NAALADL2: variants seen among roughly 807,000 people sequenced by gnomAD.
NAALADL2 encodes the protein N-acetylated alpha-linked acidic dipeptidase like 2.
Under a neutral mutation model 87.2 loss-of-function variants are expected in NAALADL2, and 76 were observed. That is an observed-to-expected ratio of 0.87 (90% CI 0.72 to 1.05). NAALADL2 has a LOEUF of 1.05. Among genes scored for constraint, NAALADL2 ranks in the 50% least tolerant of loss-of-function variants. NAALADL2 has a pLI of 0.00. For synonymous variants in NAALADL2, 354 were observed against 331.0 expected, an observed-to-expected ratio of 1.07 and a Z score of -0.75; for missense variants, 1,089 against 945.8, an observed-to-expected ratio of 1.15 and a Z score of -1.99.
intron 1 of NAALADL2, among the ~76,000 whole-genome samples, chr3:174,951,403 G>A (rs558086939): frequency 1.3e-5 from 2 of 151,970 alleles, no homozygotes; most frequent in Non-Finnish European, 2.9e-5. Context: ...TGACAGATAC[G>A]ACTCAACTAA....
intron 10 of NAALADL2, among the ~76,000 whole-genome samples, chr3:175,618,637 C>T (rs887770363): frequency 2.0e-5 from 3 of 152,066 alleles, no homozygotes; most frequent in Admixed American, 6.5e-5. Context: ...ATCCCTTAGT[C>T]GCCTTCCTCC....
chr3:174,857,972 C>T (rs1449921056), upstream of NAALADL2, among the ~76,000 whole-genome samples: 1 of 151,612 alleles, frequency 6.6e-6, no homozygotes, highest in Non-Finnish European at 1.5e-5. Flanking sequence ...TCAATTTTTA[C>T]ATTAGTAAGC....
At chr3:174,833,258 T>A (rs922893982) in intron 3 of NAALADL2, among the ~76,000 whole-genome samples, 6 of 152,202 alleles carry the variant, frequency 3.9e-5, no homozygotes, top group Non-Finnish European at 7.4e-5. Context: ...GTCTGTTAGG[T>A]CTCTGGAAAG....
intron 2 of NAALADL2, among the ~76,000 whole-genome samples, chr3:174,656,700 A>G (rs139233873): frequency 5.9e-5 from 9 of 152,258 alleles, no homozygotes; most frequent in Non-Finnish European, 1.3e-4. Flanking sequence ...ATTATAAAGC[A>G]TCTGCTTGCT....
At chr3:175,482,188 A>G (rs1726575979) in intron 9 of NAALADL2, among the ~76,000 whole-genome samples, 1 of 151,990 alleles carries the variant, frequency 6.6e-6, no homozygotes, top group Admixed American at 6.6e-5. Flanking sequence ...TGTTAAAGTA[A>G]TCATTAGATT....
chr3:174,496,602 AATT>A (rs1237123842), intron 1 of NAALADL2, among the ~76,000 whole-genome samples: 1 of 151,094 alleles, frequency 6.6e-6, no homozygotes, highest in Non-Finnish European at 1.5e-5. Context: ...AAGGGGTTGG[AATT>A]ATTACTCTTT....
intron 1 of NAALADL2, among the ~76,000 whole-genome samples, chr3:174,539,044 GT>G (rs1721983642): frequency 6.6e-6 from 1 of 152,020 alleles, no homozygotes; most frequent in Non-Finnish European, 1.5e-5. Context: ...ATACCTTTTT[GT>G]TTGCAGTCTT....
rs114767701 is a variant in NAALADL2, at chr3:175,653,897, A to C, written c.1896+26511A>C. ...GGTCAACAACTTTGGTGTTGAACTCATGGGGTTCTGGGTGACCAGACACAT... is the reference window on the plus strand; with the variant it reads ...GGTCAACAACTTTGGTGTTGAACTCCTGGGGTTCTGGGTGACCAGACACAT... On this transcript the variant is annotated intron_variant, in intron 11 of 13. Transcript: ENST00000454872. Among the ~76,000 whole-genome samples the C allele has an allele frequency of 1.5e-3, 236 of 152,332 alleles. 1 individual carries two copies. The highest frequency in any genetic ancestry group is 5.6e-3 in the African/African-American group (231 of 41,576).
At chr3:174,984,524 A>G (rs896429359) in intron 1 of NAALADL2, among the ~76,000 whole-genome samples, 6 of 152,320 alleles carry the variant, frequency 3.9e-5, no homozygotes, top group South Asian at 2.1e-4. Context: ...GCAAAACCCA[A>G]TGGATCAGAA....
intron 2 of NAALADL2, among the ~76,000 whole-genome samples, chr3:174,640,403 G>T (rs770410893): frequency 3.9e-5 from 6 of 152,172 alleles, no homozygotes; most frequent in Non-Finnish European, 8.8e-5. Flanking sequence ...AGCTGTCTAT[G>T]ATATCTTTAA....
chr3:175,182,280 A>G (rs1202079722), intron 2 of NAALADL2, among the ~76,000 whole-genome samples: 1 of 152,016 alleles, frequency 6.6e-6, no homozygotes, highest in East Asian at 1.9e-4. Context: ...TAACTTTCTT[A>G]TATATTTTGG....
At chr3:174,772,865 A>G (rs1299177470) in intron 3 of NAALADL2, among the ~76,000 whole-genome samples, 1 of 152,212 alleles carries the variant, frequency 6.6e-6, no homozygotes, top group African/African-American at 2.4e-5. Flanking sequence ...ATGTGGCAAA[A>G]ATCAAACATT....
intron 1 of NAALADL2, among the ~76,000 whole-genome samples, chr3:174,513,236 A>G (rs1236677522): frequency 6.6e-6 from 1 of 152,116 alleles, no homozygotes; most frequent in South Asian, 2.1e-4. Context: ...CTGGGATTAC[A>G]CTTCCCTGGG....
chr3:174,780,361 A>C (rs1209113501), intron 3 of NAALADL2, among the ~76,000 whole-genome samples: 2 of 152,178 alleles, frequency 1.3e-5, no homozygotes, highest in African/African-American at 2.4e-5. Flanking sequence ...GAAGTTGCTT[A>C]TCAGATTAAG....
Position 175,698,482 on chromosome 3 carries a change from T to TA in NAALADL2, c.1897-38824_1897-38823insA, listed in dbSNP as rs201878091. Reference sequence around the variant, plus strand: ...ATGTGTATATATGTGTGTATATATATTTATATATATATATATATATAAAAT... The same window carrying TA: ...ATGTGTATATATGTGTGTATATATATATTATATATATATATATATATAAAAT... On this transcript the variant is annotated intron_variant, in intron 11 of 13. Transcript: ENST00000454872. Among the ~76,000 whole-genome samples the TA allele has an allele frequency of 5.3e-3, 630 of 119,850 alleles. 118 individuals are homozygous for TA. Among genetic ancestry groups the TA allele is most frequent in the African/African-American group, 0.023 (545 of 24,210 alleles). The allele number at this position is 119,850 out of a possible 152,430, so 78.6% of individuals were successfully genotyped here. A position where few individuals can be genotyped will look rare whatever the true frequency, so the allele number is the denominator to read the frequency against.
chr3:175,651,319 T>G (rs948569997), intron 11 of NAALADL2, among the ~76,000 whole-genome samples: 2 of 152,162 alleles, frequency 1.3e-5, no homozygotes, highest in African/African-American at 4.8e-5. Flanking sequence ...AGAAGGCAGA[T>G]CATGTCAAAT....
chr3:175,070,528 A>C (rs1580290630), intron 1 of NAALADL2, among the ~76,000 whole-genome samples: 1 of 152,090 alleles, frequency 6.6e-6, no homozygotes, highest in South Asian at 2.1e-4. Context: ...GCTGGCTTTT[A>C]AAAATTGATA....
At chr3:175,779,361 A>C (rs752117746) in intron 13 of NAALADL2, among the ~76,000 whole-genome samples, 1 of 152,226 alleles carries the variant, frequency 6.6e-6, no homozygotes, top group Non-Finnish European at 1.5e-5. Flanking sequence ...CTGTACACTT[A>C]GATGAACATA....
At chr3:175,226,038 A>T (rs1207150944) in intron 2 of NAALADL2, among the ~76,000 whole-genome samples, 1 of 152,114 alleles carries the variant, frequency 6.6e-6, no homozygotes, top group Non-Finnish European at 1.5e-5. Context: ...ACATAAATTG[A>T]TATAAATACC....
Sources: gnomAD v4.1 joint callset for allele counts (sites outside exome capture counted in the v4.1 genomes callset) on GRCh38, gnomAD v4.1.1 for gene constraint, MANE v1.5 for transcripts, NCBI Gene and HGNC (gene_info 2026-07-23, HGNC 2026-07-21) for gene names.